C16orf89: variants seen among roughly 807,000 people sequenced by gnomAD.
C16orf89 encodes chromosome 16 open reading frame 89.
In C16orf89, 57 loss-of-function variants were observed where a neutral mutation model predicts 41.5. The observed-to-expected ratio is 1.38, with a 90% CI of 1.11 to 1.71. The LOEUF (loss-of-function observed/expected upper bound fraction) is 1.71, where lower values mean the gene tolerates loss of function less well. Among genes scored for constraint, C16orf89 ranks in the 40% most tolerant of loss-of-function variants. The probability of loss-of-function intolerance (pLI) is 0.00; values close to 1 mark genes in which losing one functional copy is unlikely to be tolerated. For missense variants in C16orf89, 575 were observed against 445.9 expected (o/e 1.29, Z -2.61); for synonymous variants, 223 against 190.6 (o/e 1.17, Z -1.40).
rs184950922 is a variant in C16orf89, at chr16:5,052,354, C to T, written c.868+2892G>A. On this transcript the variant is annotated intron_variant, in intron 6 of 7. Coordinates refer to ENST00000472572, the MANE Select transcript of C16orf89 (RefSeq NM_001098514.3). ...CTCTAATCTCAGCACTTTAGGAGGC[C>T]GTGGCTGGTGGATCACTTTGAGCTC... Among the ~76,000 whole-genome samples, 776 of 152,208 alleles carry T rather than the reference C, an allele frequency of 5.1e-3. 5 individuals are homozygous for T. Among genetic ancestry groups the T allele is most frequent in the Non-Finnish European group, 8.0e-3 (546 of 68,010 alleles).
At chr16:5,058,284 C>T (rs542273528) in intron 4 of C16orf89, among the ~76,000 whole-genome samples, 22 of 152,084 alleles carry the variant, frequency 1.4e-4, no homozygotes, top group Admixed American at 2.6e-4. Context: ...CACGCCACCA[C>T]GTCCAGCTAA....
chr16:5,064,287 A>T (rs1404821798), intron 1 of C16orf89, among the ~76,000 whole-genome samples: 1 of 152,188 alleles, frequency 6.6e-6, no homozygotes, highest in African/African-American at 2.4e-5. Flanking sequence ...GACCACTGCA[A>T]TGGGACGTAG....
chr16:5,057,825 G>A lies in C16orf89; in HGVS notation c.627+668C>T, dbSNP rs534702303. Among the ~76,000 whole-genome samples, 14 of 151,968 alleles carry A rather than the reference G, an allele frequency of 9.2e-5. No homozygotes were observed. In the South Asian group the frequency reaches 1.2e-3, roughly 14 times the overall value. On this transcript the variant is annotated intron_variant, in intron 4 of 7. Transcript: ENST00000472572. ...ATTACAGGTGTGAGCCACCGTGCCC[G>A]GCCTCATTCATTTGTTTTTGTTTAC...
At chr16:5,052,309 C>T (rs529530789) in intron 6 of C16orf89, among the ~76,000 whole-genome samples, 1 of 151,684 alleles carries the variant, frequency 6.6e-6, no homozygotes, top group Admixed American at 6.5e-5. Flanking sequence ...CAAAAAATGG[C>T]CAAGCGCAGT....
At chr16:5,049,957 GA>G (rs1956367339) in intron 6 of C16orf89, among the ~76,000 whole-genome samples, 6 of 151,658 alleles carry the variant, frequency 4.0e-5, no homozygotes, top group African/African-American at 1.5e-4. Flanking sequence ...ACTAGACTAA[GA>G]AAAAAAGAGA....
intron 7 of C16orf89, 181 bp from the exon 8 acceptor site, chr16:5,044,659 TGATGAAACCCTGTCTCTACTAAAAA>T: frequency 8.1e-7 from 1 of 1,237,746 alleles, no homozygotes; most frequent in Non-Finnish European, 1.1e-6. Flanking sequence ...ATGAGCAACA[TGATGAAACCCTGTCTCTACTAAAAA>T]AATATAAAAA....
At chr16:5,047,677 A>G (rs1311394954) in intron 7 of C16orf89, among the ~76,000 whole-genome samples, 2 of 152,064 alleles carry the variant, frequency 1.3e-5, no homozygotes, top group African/African-American at 4.8e-5. Context: ...TATGTTGCCC[A>G]GGCTATCTCC....
intron 6 of C16orf89, among the ~76,000 whole-genome samples, chr16:5,052,946 A>G (rs547584508): frequency 6.6e-6 from 1 of 152,234 alleles, no homozygotes; most frequent in Non-Finnish European, 1.5e-5. Context: ...ATTTCACCAT[A>G]AAAATAACCA....
intron 6 of C16orf89, among the ~76,000 whole-genome samples, chr16:5,052,118 AAAG>A (rs1442863701): frequency 3.4e-4 from 52 of 150,756 alleles, no homozygotes; most frequent in Admixed American, 5.3e-4. Context: ...AAAAAAAAAA[AAAG>A]AAGGAAAAAG....
intron 7 of C16orf89, among the ~76,000 whole-genome samples, chr16:5,046,109 C>G (rs1397431977): frequency 6.6e-6 from 1 of 152,138 alleles, no homozygotes; most frequent in African/African-American, 2.4e-5. Context: ...CTGGGAACTT[C>G]TCTCCCTTCT....
At chr16:5,056,627 C>T (rs1465863521) in intron 4 of C16orf89, among the ~76,000 whole-genome samples, 1 of 152,112 alleles carries the variant, frequency 6.6e-6, no homozygotes, top group Non-Finnish European at 1.5e-5. Context: ...CAGTGCTACT[C>T]AAAGTGTGGG....
At chr16:5,060,127 G>A (rs942627364) in intron 3 of C16orf89, 159 bp downstream of exon 3, 1 of 852,046 alleles carries the variant, frequency 1.2e-6, no homozygotes, top group Non-Finnish European at 1.7e-6. Flanking sequence ...CCCTGCTGGA[G>A]TAGGAGAGGG....
intron 1 of C16orf89, among the ~76,000 whole-genome samples, chr16:5,065,384 A>C (rs992366588): frequency 2.0e-5 from 3 of 151,906 alleles, no homozygotes; most frequent in African/African-American, 7.3e-5. Context: ...TTAACGGGGC[A>C]CTCTCCCTGC....
chr16:5,050,797 C>G (rs1226776576), intron 6 of C16orf89, among the ~76,000 whole-genome samples: 2 of 152,198 alleles, frequency 1.3e-5, no homozygotes, highest in East Asian at 3.8e-4. Context: ...GGCTTTCCTA[C>G]TTTGACCACT....
intron 4 of C16orf89, among the ~76,000 whole-genome samples, chr16:5,057,610 C>G (rs1956538254): frequency 6.6e-6 from 1 of 151,436 alleles, no homozygotes; most frequent in African/African-American, 2.4e-5. Flanking sequence ...CTCACTACAG[C>G]CTCTGCCTCT....
chr16:5,058,750 C>T (rs558958423), intron 3 of C16orf89, 140 bp from the exon 4 acceptor site: 2 of 613,964 alleles, frequency 3.3e-6, no homozygotes, highest in South Asian at 2.1e-5. Context: ...AGAGACAATA[C>T]AGCAGTCCTG....
intron 1 of C16orf89, among the ~76,000 whole-genome samples, chr16:5,063,128 G>A (rs1956663269): frequency 6.6e-6 from 1 of 152,186 alleles, no homozygotes; most frequent in Admixed American, 6.5e-5. Flanking sequence ...AGATCCAGAG[G>A]TGGCCAGAAA....
chr16:5,053,156 G>A (rs1404115455), intron 6 of C16orf89, among the ~76,000 whole-genome samples: 3 of 152,138 alleles, frequency 2.0e-5, no homozygotes, highest in Non-Finnish European at 4.4e-5. Context: ...GATCACTTGA[G>A]GTCAGGAGTT....
In C16orf89 at chr16:5,055,321, C is replaced by G; in HGVS notation, c.793G>C (p.Asp265His). 6.2e-7 allele frequency: 1 copy of G among 1,612,950 alleles called. No homozygotes were observed. The highest frequency in any genetic ancestry group is 1.1e-5 in the South Asian group (1 of 90,862). The change falls in exon 6 of 8, where the codon GAC (aspartate) becomes CAC (histidine). Residue 265 changes from aspartate (D) to histidine (H), a missense_variant. Physicochemically the swap from Asp to His is moderately conservative, Grantham distance 81. Transcript: ENST00000472572. ...IMFCGMGGFS[D>H]FYKLRWLEAI... The stretch of plus-strand genomic sequence containing the variant: ...TCCAGCCACCGGAGCTTGTAGAAGT[C>G]GGAGAAGCCGCCCATTCCACAGAAC...
Sources: gnomAD v4.1 joint callset for allele counts (sites outside exome capture counted in the v4.1 genomes callset) on GRCh38, gnomAD v4.1.1 for gene constraint, MANE v1.5 for transcripts, NCBI Gene and HGNC (gene_info 2026-07-23, HGNC 2026-07-21) for gene names.